SFTPD: variants seen among roughly 807,000 people sequenced by gnomAD.
SFTPD encodes the protein surfactant protein D, also known as pulmonary surfactant-associated protein D.
Under a neutral mutation model 34.6 loss-of-function variants are expected in SFTPD, and 18 were observed. The observed-to-expected ratio is 0.52, with a 90% CI of 0.36 to 0.77. The LOEUF is 0.77. Among genes scored for constraint, SFTPD ranks in the 30% least tolerant of loss-of-function variants. The pLI is 0.00. For synonymous variants in SFTPD, 155 were observed against 180.9 expected, an observed-to-expected ratio of 0.86 and a Z score of 1.15; for missense variants, 433 against 468.9, an observed-to-expected ratio of 0.92 and a Z score of 0.71.
intron 1 of SFTPD, among the ~76,000 whole-genome samples, chr10:79,963,207 G>A (rs1842784911): frequency 6.6e-6 from 1 of 152,034 alleles, no homozygotes; most frequent in African/African-American, 2.4e-5. Context: ...GCTGGGCATG[G>A]TGATACATTC....
intron 1 of SFTPD, among the ~76,000 whole-genome samples, chr10:79,962,075 C>T (rs1289773522): frequency 1.4e-5 from 2 of 139,800 alleles, no homozygotes; most frequent in Middle Eastern, 4.0e-3. Flanking sequence ...TGTTCTCACT[C>T]ATAGGTGGGA....
At chr10:79,954,569 T>C (rs1003218790) in intron 1 of SFTPD, among the ~76,000 whole-genome samples, 1 of 152,154 alleles carries the variant, frequency 6.6e-6, no homozygotes, top group African/African-American at 2.4e-5. Context: ...AGTAGGGGTC[T>C]GCAGGTGGGC....
chr10:79,962,780 T>G (rs188501023), intron 1 of SFTPD, among the ~76,000 whole-genome samples: 6 of 152,328 alleles, frequency 3.9e-5, no homozygotes, highest in Admixed American at 1.3e-4. Flanking sequence ...TTTTTAACAA[T>G]ACGTTGTAAA....
Position 79,941,962 on chromosome 10 carries a change from C to G in SFTPD, c.542G>C (p.Gly181Ala), listed in dbSNP as rs1589333831. ...CTCTTTCCACTGCTCACCTGCTGCC[C>G]CTGTGTTTCCAGGGACTCCACGCTC... ...PGERGVPGNT[G>A]AAGSAGAMGP... The change falls in exon 5 of 8, where the codon GGG becomes GCG. Residue 181 changes from glycine (G) to alanine (A), a missense_variant. By Grantham distance (60) the Gly-to-Ala change is moderately conservative. Transcript: ENST00000372292. 2.5e-6 allele frequency: 4 copies of G among 1,607,816 alleles called. No homozygotes were observed.
At chr10:79,963,345 T>C (rs1477310806) in intron 1 of SFTPD, among the ~76,000 whole-genome samples, 6 of 141,904 alleles carry the variant, frequency 4.2e-5, no homozygotes, top group Non-Finnish European at 6.0e-5. Flanking sequence ...AGACCGTGTC[T>C]CTTAAAAAAA....
chr10:79,968,027 GA>G (rs1431508464), intron 1 of SFTPD, among the ~76,000 whole-genome samples: 256 of 115,552 alleles, frequency 2.2e-3, no homozygotes, highest in East Asian at 7.9e-3. Context: ...TTATTGCTCA[GA>G]AAAAAAAAAA....
chr10:79,965,063 A>C (rs543198004), intron 1 of SFTPD, among the ~76,000 whole-genome samples: 6 of 152,260 alleles, frequency 3.9e-5, no homozygotes, highest in African/African-American at 7.2e-5. Context: ...CTCAATCTTC[A>C]GGAAAGGTAG....
chr10:79,956,183 G>A (rs981400475), intron 1 of SFTPD, among the ~76,000 whole-genome samples: 6 of 152,204 alleles, frequency 3.9e-5, no homozygotes, highest in Non-Finnish European at 7.3e-5. Context: ...GAGCCAAGAT[G>A]GCCGAATAGG....
chr10:79,942,218 G>C, intron 4 of SFTPD, 148 bp from the exon 5 acceptor site: 1 of 749,492 alleles, frequency 1.3e-6, no homozygotes, highest in Non-Finnish European at 2.3e-6. Flanking sequence ...CCTCTGTGGA[G>C]GGTGAGAGGA....
intron 7 of SFTPD, 150 bp from the exon 8 acceptor site, chr10:79,938,378 C>G (rs1842578803): frequency 2.9e-6 from 2 of 686,840 alleles, no homozygotes; most frequent in South Asian, 1.9e-5. Context: ...AGAGATTGTT[C>G]CAGAACAGCC....
chr10:79,948,821 C>A (rs1402240485), intron 1 of SFTPD, among the ~76,000 whole-genome samples: 4 of 152,152 alleles, frequency 2.6e-5, no homozygotes, highest in Non-Finnish European at 5.9e-5. Flanking sequence ...TAGTGTCACA[C>A]CCACTCTTCC....
chr10:79,974,316 T>C (rs1842852040), intron 1 of SFTPD, among the ~76,000 whole-genome samples: 1 of 152,006 alleles, frequency 6.6e-6, no homozygotes, highest in Non-Finnish European at 1.5e-5. Flanking sequence ...TACAGGCACC[T>C]GCCACCACGC....
At chr10:79,955,149 G>A (rs1439293715) in intron 1 of SFTPD, among the ~76,000 whole-genome samples, 1 of 152,108 alleles carries the variant, frequency 6.6e-6, no homozygotes, top group Non-Finnish European at 1.5e-5. Flanking sequence ...GACTCCACCA[G>A]ACTTCGTAGC....
chr10:79,956,616 A>T (rs1842740418), intron 1 of SFTPD, among the ~76,000 whole-genome samples: 1 of 152,240 alleles, frequency 6.6e-6, no homozygotes, highest in African/African-American at 2.4e-5. Context: ...GGCATCTGCC[A>T]TTGCCCAGGC....
intron 1 of SFTPD, among the ~76,000 whole-genome samples, chr10:79,957,128 A>G (rs949290384): frequency 6.6e-6 from 1 of 152,166 alleles, no homozygotes; most frequent in Non-Finnish European, 1.5e-5. Flanking sequence ...CAGAAAGGAC[A>G]TCCACACCAA....
chr10:79,981,972 C>G, intron 1 of SFTPD: 1 of 310,916 alleles, frequency 3.2e-6, no homozygotes. Context: ...GTCTCCCGTG[C>G]CCGCGTCAGG....
intron 2 of SFTPD, among the ~76,000 whole-genome samples, chr10:79,943,622 G>A (rs537784812): frequency 6.6e-6 from 1 of 152,300 alleles, no homozygotes; most frequent in Admixed American, 6.5e-5. Context: ...TCCATGGGGG[G>A]TGAGCATGTG....
At position 79,942,470 on chromosome 10, in the gene SFTPD, A is replaced by G. The variant is rs756867152; in HGVS notation, c.351T>C (p.Ala117=). ...GCTTCCCCAGGGGACCTTCTCTTCC[A>G]GCTGGACCAGGCACACCGGGAGGTC... ...PPGPPGVPGP[A]GREGPLGKQG... The change falls in exon 4 of 8, where the codon GCT becomes GCC. Residue 117 remains alanine (A), a synonymous_variant. Coordinates refer to ENST00000372292, the MANE Select transcript of SFTPD (RefSeq NM_003019.5). The G allele has an allele frequency of 6.2e-7, 1 of 1,613,526 alleles. No homozygotes were observed. Among genetic ancestry groups the G allele is most frequent in the Non-Finnish European group, 8.5e-7 (1 of 1,179,552 alleles).
chr10:79,941,877 G>T (rs1210761949), intron 5 of SFTPD, 77 bp downstream of exon 5: 22 of 901,776 alleles, frequency 2.4e-5, no homozygotes, highest in Middle Eastern at 6.5e-4. Context: ...GGTGGTGGAG[G>T]GGGTGTAGGC....
Sources: allele counts gnomAD v4.1 joint callset (sites outside exome capture counted in the v4.1 genomes callset), GRCh38; gene constraint gnomAD v4.1.1; transcripts MANE v1.5; gene names NCBI Gene and HGNC (gene_info 2026-07-23, HGNC 2026-07-21).